The following DLGAP2 variants were observed in gnomAD, a reference collection of about 807,000 sequenced individuals.
The protein encoded by DLGAP2 is disks large-associated protein 2.
Under a neutral mutation model 100.3 loss-of-function variants are expected in DLGAP2, and 26 were observed. The observed-to-expected ratio is 0.26, with a 90% confidence interval of 0.19 to 0.36. DLGAP2 has a LOEUF of 0.36. DLGAP2 is among the 10% of genes least tolerant of loss of function. The pLI is 1.00. For missense variants in DLGAP2, 1,858 were observed against 1,453.2 expected, an observed-to-expected ratio of 1.28 and a Z score of -4.53; for synonymous variants, 886 against 630.1, an observed-to-expected ratio of 1.41 and a Z score of -6.08.
chr8:986,891 C>G (rs545508927), intron 2 of DLGAP2, among the ~76,000 whole-genome samples: 63 of 152,234 alleles, frequency 4.1e-4, no homozygotes, highest in African/African-American at 1.4e-3. Context: ...AACTCCTGAC[C>G]TCCAGTGATC....
At chr8:1,076,667 G>A (rs556303639) in intron 2 of DLGAP2, among the ~76,000 whole-genome samples, 16 of 152,340 alleles carry the variant, frequency 1.1e-4, no homozygotes, top group South Asian at 6.2e-4. Context: ...TAGGAATGAA[G>A]CATCGTCTTC....
intron 3 of DLGAP2, among the ~76,000 whole-genome samples, chr8:1,289,602 C>G (rs1044657061): frequency 2.6e-5 from 4 of 152,204 alleles, no homozygotes; most frequent in African/African-American, 9.7e-5. Context: ...TTGGGAATAT[C>G]TGTCCCTGGG....
intron 12 of DLGAP2, chr8:1,688,227 T>G (rs1799164055): frequency 6.6e-6 from 1 of 152,344 alleles, no homozygotes; most frequent in Non-Finnish European, 1.5e-5. Flanking sequence ...CCTTCTCCAG[T>G]CCTCCCCTCC....
At chr8:1,626,634 C>T (rs1797508510) in intron 6 of DLGAP2, 106 bp from the exon 7 acceptor site, 1 of 1,429,770 alleles carries the variant, frequency 7.0e-7, no homozygotes, top group South Asian at 1.3e-5. Flanking sequence ...CACCTCTGCC[C>T]TGTGGTGGGT....
chr8:1,647,403 G>A (rs1022513907), intron 8 of DLGAP2, among the ~76,000 whole-genome samples: 1 of 147,246 alleles, frequency 6.8e-6, no homozygotes, highest in South Asian at 2.2e-4. Context: ...GCAGGAGAAT[G>A]GAGTGAACCC....
chr8:1,226,994 A>G (rs1039439083), intron 2 of DLGAP2, among the ~76,000 whole-genome samples: 7 of 151,086 alleles, frequency 4.6e-5, no homozygotes, highest in African/African-American at 7.4e-5. Flanking sequence ...ATGACCCTGC[A>G]ACCTGTCTTC....
intron 2 of DLGAP2, among the ~76,000 whole-genome samples, chr8:1,161,101 GT>G (rs1437288425): frequency 6.6e-6 from 1 of 152,226 alleles, no homozygotes; most frequent in African/African-American, 2.4e-5. Flanking sequence ...TTTTATGGCT[GT>G]TATTACTAAA....
At chr8:1,598,920 G>C (rs1182065113) in intron 6 of DLGAP2, among the ~76,000 whole-genome samples, 2 of 151,978 alleles carry the variant, frequency 1.3e-5, no homozygotes, top group Non-Finnish European at 2.9e-5. Context: ...TTTTGAATTT[G>C]TTTGCTCTTG....
rs1796235617 is a variant in DLGAP2, at chr8:804,751, A to G, written c.18+66926A>G. On this transcript the variant is annotated intron_variant, in intron 1 of 14. Transcript: ENST00000637795. ...GGCACTGGTTGTCCTATACAAGTTA[A>G]TATCACTTCTTTTTCATTTTATTTC... 2.0e-5 allele frequency among the ~76,000 whole-genome samples: 3 copies of G among 152,054 alleles called. No individual in the cohort carries two copies. In the South Asian group the frequency reaches 6.2e-4, roughly 32 times the overall value.
chr8:1,533,027 AT>A (rs1801034163), intron 4 of DLGAP2, among the ~76,000 whole-genome samples: 1 of 151,534 alleles, frequency 6.6e-6, no homozygotes, highest in Admixed American at 6.6e-5. Flanking sequence ...TTTCCAGATG[AT>A]TCTTTCAAAA....
At chr8:1,477,437 C>T (rs1236531678) in intron 3 of DLGAP2, among the ~76,000 whole-genome samples, 4 of 152,180 alleles carry the variant, frequency 2.6e-5, no homozygotes, top group African/African-American at 4.8e-5. Context: ...TTTGCCTGTC[C>T]CTGCTGGGCC....
chr8:1,047,188 T>C, intron 2 of DLGAP2, among the ~76,000 whole-genome samples: 1 of 152,200 alleles, frequency 6.6e-6, no homozygotes, highest in East Asian at 1.9e-4. Flanking sequence ...AGACTTTCTC[T>C]TTCTATAGGG....
intron 3 of DLGAP2, among the ~76,000 whole-genome samples, chr8:1,387,200 A>C (rs1415494532): frequency 6.6e-6 from 1 of 152,200 alleles, no homozygotes; most frequent in African/African-American, 2.4e-5. Flanking sequence ...GTCTGTGGGA[A>C]GAGTTCTTCT....
chr8:1,335,554 G>C (rs1801254729), intron 3 of DLGAP2, among the ~76,000 whole-genome samples: 1 of 152,202 alleles, frequency 6.6e-6, no homozygotes, highest in African/African-American at 2.4e-5. Context: ...GAGCTCAGAG[G>C]AGGAGGGCGA....
At chr8:1,077,063 C>A (rs1039341144) in intron 2 of DLGAP2, among the ~76,000 whole-genome samples, 2 of 151,788 alleles carry the variant, frequency 1.3e-5, no homozygotes, top group African/African-American at 4.8e-5. Context: ...GAGTCTGTCC[C>A]GGGCTCCCCC....
At chr8:1,197,905 G>C (rs1797787689) in intron 2 of DLGAP2, among the ~76,000 whole-genome samples, 1 of 152,190 alleles carries the variant, frequency 6.6e-6, no homozygotes, top group Non-Finnish European at 1.5e-5. Context: ...TGGGGAATGA[G>C]TGGAATCAGG....
chr8:1,489,178 A>G (rs942399805), intron 3 of DLGAP2, among the ~76,000 whole-genome samples: 5 of 152,202 alleles, frequency 3.3e-5, no homozygotes, highest in African/African-American at 9.6e-5. Context: ...ACAACATTCC[A>G]TGCTGAAGTT....
intron 6 of DLGAP2, among the ~76,000 whole-genome samples, chr8:1,609,391 C>A (rs1272089908): frequency 7.4e-6 from 1 of 135,748 alleles, no homozygotes; most frequent in Non-Finnish European, 1.6e-5. Flanking sequence ...CTGAAGGAAG[C>A]GCTAAACATG....
At chr8:1,037,994 C>T (rs2129029459) in intron 2 of DLGAP2, among the ~76,000 whole-genome samples, 1 of 152,336 alleles carries the variant, frequency 6.6e-6, no homozygotes, top group Non-Finnish European at 1.5e-5. Flanking sequence ...AGGTTGGTGT[C>T]CATAGTGTGT....
Sources: allele counts gnomAD v4.1 joint callset (sites outside exome capture counted in the v4.1 genomes callset), GRCh38; gene constraint gnomAD v4.1.1; transcripts MANE v1.5; gene names NCBI Gene and HGNC (gene_info 2026-07-23, HGNC 2026-07-21).